NIBAN1: variants seen among roughly 807,000 people sequenced by gnomAD.
NIBAN1 encodes the protein niban apoptosis regulator 1.
In NIBAN1, 81 loss-of-function variants were observed where a neutral mutation model predicts 75.1. The ratio of observed to expected loss-of-function variants is 1.08; its 90% CI spans 0.90 to 1.30. NIBAN1 has a LOEUF of 1.30. Ranked by LOEUF, NIBAN1 falls within the 50% of genes most tolerant of loss-of-function variation. The pLI is 0.00. For synonymous variants in NIBAN1, 436 were observed against 424.8 expected, an observed-to-expected ratio of 1.03 and a Z score of -0.32; for missense variants, 1,133 against 1,128.1, an observed-to-expected ratio of 1.00 and a Z score of -0.06.
intron 6 of NIBAN1, among the ~76,000 whole-genome samples, chr1:184,829,464 CT>C (rs34475915): frequency 0.086 from 11,095 of 128,350 alleles, 471 homozygotes; most frequent in African/African-American, 0.15. Context: ...TACATATATT[CT>C]TTTTTTTTTT....
intron 5 of NIBAN1, among the ~76,000 whole-genome samples, chr1:184,858,730 C>G (rs1430575346): frequency 6.6e-6 from 1 of 152,118 alleles, no homozygotes; most frequent in Non-Finnish European, 1.5e-5. Context: ...GATATATGTA[C>G]AAGGACACGT....
At chr1:184,802,884 G>A (rs996137763) in intron 12 of NIBAN1, among the ~76,000 whole-genome samples, 1 of 152,112 alleles carries the variant, frequency 6.6e-6, no homozygotes, top group Non-Finnish European at 1.5e-5. Context: ...TCACACTCTG[G>A]TGGTCACCAG....
chr1:184,944,038 C>A (rs987134504), intron 1 of NIBAN1, among the ~76,000 whole-genome samples: 4 of 152,164 alleles, frequency 2.6e-5, no homozygotes, highest in African/African-American at 9.7e-5. Flanking sequence ...TATACAATTA[C>A]CTCTACGGAC....
At chr1:184,818,927 A>G in intron 8 of NIBAN1, 102 bp from the exon 9 acceptor site, 1 of 1,319,036 alleles carries the variant, frequency 7.6e-7, no homozygotes, top group South Asian at 1.5e-5. Context: ...GAGCCATTTA[A>G]CAGCCAAGGC....
intron 1 of NIBAN1, among the ~76,000 whole-genome samples, chr1:184,967,137 A>G (rs1658811443): frequency 6.6e-6 from 1 of 152,068 alleles, no homozygotes; most frequent in Admixed American, 6.6e-5. Context: ...TGAATTTTCC[A>G]GTTTCAAAGG....
intron 5 of NIBAN1, among the ~76,000 whole-genome samples, chr1:184,871,794 T>C (rs1557895105): frequency 6.6e-6 from 1 of 152,202 alleles, no homozygotes; most frequent in Non-Finnish European, 1.5e-5. Context: ...CACACGGTCT[T>C]AGCCCATTCT....
At chr1:184,876,034 A>G (rs1038205527) in intron 5 of NIBAN1, among the ~76,000 whole-genome samples, 1 of 152,076 alleles carries the variant, frequency 6.6e-6, no homozygotes, top group Non-Finnish European at 1.5e-5. Flanking sequence ...TTAGCCGGGC[A>G]TGGTGGCGCA....
chr1:184,943,644 C>T (rs942282142), intron 1 of NIBAN1, among the ~76,000 whole-genome samples: 3 of 152,036 alleles, frequency 2.0e-5, no homozygotes. Context: ...AACTCAGCAA[C>T]TGCAAATTAT....
chr1:184,950,564 G>A (rs1658335407), intron 1 of NIBAN1, among the ~76,000 whole-genome samples: 1 of 152,172 alleles, frequency 6.6e-6, no homozygotes, highest in Non-Finnish European at 1.5e-5. Context: ...GACCTGTCAA[G>A]AAGATGCTTA....
chr1:184,821,594 C>T (rs891624791), intron 8 of NIBAN1: 2 of 152,156 alleles, frequency 1.3e-5, no homozygotes, highest in African/African-American at 4.8e-5. Flanking sequence ...TGTGGATACA[C>T]CGGAGCCACA....
chr1:184,945,743 G>T (rs1209082271), intron 1 of NIBAN1, among the ~76,000 whole-genome samples: 1 of 152,148 alleles, frequency 6.6e-6, no homozygotes, highest in Non-Finnish European at 1.5e-5. Context: ...TGACATTTCT[G>T]ATAGCCAGAT....
At chr1:184,883,164 A>G (rs1227703046) in intron 5 of NIBAN1, among the ~76,000 whole-genome samples, 1 of 152,224 alleles carries the variant, frequency 6.6e-6, no homozygotes, top group African/African-American at 2.4e-5. Flanking sequence ...TAACCATATT[A>G]GGAAATAAAG....
Position 184,795,133 on chromosome 1 carries a change from A to T in NIBAN1, c.2631T>A (p.Ser877Arg). The T allele has an allele frequency of 1.2e-6, 2 of 1,614,136 alleles. No homozygotes were observed. Among genetic ancestry groups the T allele is most frequent in the Non-Finnish European group, 1.7e-6 (2 of 1,180,042 alleles). The change falls in exon 14 of 14, where the codon AGT becomes AGA. Residue 877 changes from serine (S) to arginine (R), a missense_variant. Coordinates refer to ENST00000367511, the MANE Select transcript of NIBAN1 (RefSeq NM_052966.4). ...CTACCTTGATCTCCTCTGCATTCAC[A>T]CTGGCCGTGGCCTGGGCCGCGCTGC... ...GQSSAAQATA[S>R]VNAEEIKVAR...
intron 5 of NIBAN1, among the ~76,000 whole-genome samples, chr1:184,875,191 T>G (rs1656201077): frequency 6.6e-6 from 1 of 152,218 alleles, no homozygotes; most frequent in Non-Finnish European, 1.5e-5. Flanking sequence ...ATGCTTGTAT[T>G]AGAGCAGAAA....
chr1:184,913,899 T>C (rs1253164378), intron 1 of NIBAN1, among the ~76,000 whole-genome samples: 1 of 152,214 alleles, frequency 6.6e-6, no homozygotes, highest in African/African-American at 2.4e-5. Context: ...ATCTGGCTTA[T>C]TGTGCAGTCA....
intron 1 of NIBAN1, among the ~76,000 whole-genome samples, chr1:184,938,412 C>G (rs1042588323): frequency 6.6e-6 from 1 of 152,094 alleles, no homozygotes; most frequent in African/African-American, 2.4e-5. Flanking sequence ...CACAAAACAA[C>G]TAGATAATCA....
chr1:184,839,743 C>T (rs2102248967), intron 5 of NIBAN1, among the ~76,000 whole-genome samples: 1 of 152,032 alleles, frequency 6.6e-6, no homozygotes, highest in African/African-American at 2.4e-5. Flanking sequence ...TTACAGGTGC[C>T]CACCACCACG....
chr1:184,843,011 A>G (rs1371402216), intron 5 of NIBAN1, among the ~76,000 whole-genome samples: 1 of 152,138 alleles, frequency 6.6e-6, no homozygotes, highest in Non-Finnish European at 1.5e-5. Flanking sequence ...CAAAAGGTCT[A>G]CTCTGTCAAC....
chr1:184,935,569 G>C (rs977144909), intron 1 of NIBAN1, among the ~76,000 whole-genome samples: 2 of 152,080 alleles, frequency 1.3e-5, no homozygotes, highest in Admixed American at 1.3e-4. Flanking sequence ...ATCTGATTGA[G>C]CTTGGAAGGT....
Sources: gnomAD v4.1 joint callset for allele counts (sites outside exome capture counted in the v4.1 genomes callset) on GRCh38, gnomAD v4.1.1 for gene constraint, MANE v1.5 for transcripts, NCBI Gene and HGNC (gene_info 2026-07-23, HGNC 2026-07-21) for gene names.